GNL2: variants seen among roughly 807,000 people sequenced by gnomAD.
GNL2 encodes nucleolar GTP-binding protein 2.
GNL2 carries 51 observed loss-of-function variants against 92.3 expected under a neutral mutation model. The ratio of observed to expected loss-of-function variants is 0.55; its 90% CI spans 0.44 to 0.70. The LOEUF is 0.70. Among genes scored for constraint, GNL2 ranks in the 30% least tolerant of loss-of-function variants. The pLI, the probability that GNL2 is intolerant of heterozygous loss-of-function variation, is 0.00. For missense variants in GNL2, 844 were observed against 895.6 expected (o/e 0.94, Z 0.74); for synonymous variants, 283 against 300.6 (o/e 0.94, Z 0.61).
chr1:37,581,423 A>C (rs1454078961), intron 8 of GNL2: 2 of 455,922 alleles, frequency 4.4e-6, no homozygotes, highest in Non-Finnish European at 8.8e-6. Context: ...CAGGGATCTG[A>C]AGCTTGAATT....
At chr1:37,577,423 T>C (rs1212502928) in intron 8 of GNL2, among the ~76,000 whole-genome samples, 2 of 152,186 alleles carry the variant, frequency 1.3e-5, no homozygotes, top group Non-Finnish European at 2.9e-5. Flanking sequence ...GGACTGAACA[T>C]ACATGCTAAC....
chr1:37,587,392 A>G lies in GNL2; in HGVS notation c.488T>C (p.Leu163Pro). Reference sequence around the variant, plus strand: ...AGTGGACATTTCAGCATTTTCGATAAGAGACTGCATATCACTTGCAAATAA... The same window carrying G: ...AGTGGACATTTCAGCATTTTCGATAGGAGACTGCATATCACTTGCAAATAA... Reference protein sequence around the residue: ...PNLFASDMQSLIENAEMSTES... With the variant: ...PNLFASDMQSPIENAEMSTES... Residue 163 changes from leucine (L) to proline (P), a missense_variant, in exon 5 of 16, where the codon CTT becomes CCT. Transcript: ENST00000373062. 1 of 1,613,478 alleles carries G rather than the reference A, an allele frequency of 6.2e-7. No individual in the cohort carries two copies. Among genetic ancestry groups the G allele is most frequent in the Non-Finnish European group, 8.5e-7 (1 of 1,179,368 alleles).
chr1:37,590,289 G>A (rs1021863205), intron 4 of GNL2, among the ~76,000 whole-genome samples: 4 of 152,172 alleles, frequency 2.6e-5, no homozygotes, highest in Non-Finnish European at 5.9e-5. Flanking sequence ...TGTATTTTTA[G>A]TAGAGACAGG....
intron 4 of GNL2, among the ~76,000 whole-genome samples, chr1:37,588,602 A>G (rs1426528570): frequency 6.6e-6 from 1 of 152,194 alleles, no homozygotes; most frequent in Non-Finnish European, 1.5e-5. Context: ...TGTAAGTTAC[A>G]GTACCCAAGG....
chr1:37,591,276 G>A (rs1643885821), intron 3 of GNL2, among the ~76,000 whole-genome samples: 1 of 152,042 alleles, frequency 6.6e-6, no homozygotes, highest in Non-Finnish European at 1.5e-5. Flanking sequence ...AGGGTTATGA[G>A]GATTCAAAGG....
intron 12 of GNL2, among the ~76,000 whole-genome samples, chr1:37,572,602 A>T (rs1049496185): frequency 6.6e-6 from 1 of 152,176 alleles, no homozygotes; most frequent in Non-Finnish European, 1.5e-5. Flanking sequence ...CAATGTGTGG[A>T]GAGGGCATGG....
rs1643667797 is a variant in GNL2 at position 37,575,700 on chromosome 1, C to A, written c.1039-1G>T. 1 of 1,584,384 alleles carries A rather than the reference C, an allele frequency of 6.3e-7. No individual in the cohort carries two copies. The highest frequency in any genetic ancestry group is 1.4e-5 in the African/African-American group (1 of 73,150). On this transcript the variant is annotated splice_acceptor_variant, in intron 9 of 15. Coordinates refer to ENST00000373062, the MANE Select transcript of GNL2 (RefSeq NM_013285.3). LOFTEE classifies it high-confidence loss of function. This position sits in a 1 kb window ranked among gnomAD's most constrained non-coding sequence, Gnocchi z 4.1. ...GCATCAAAGTAATATACTGCCAGAC[C>A]TGAAGTCAGAAAAAAGTCAGAGATG...
At chr1:37,568,813 A>G (rs201694707) in intron 13 of GNL2, 38 bp downstream of exon 13, 1 of 1,519,240 alleles carries the variant, frequency 6.6e-7, no homozygotes, top group African/African-American at 1.4e-5. Context: ...TGGGAAAGGA[A>G]TGAAAATCTG....
At chr1:37,568,396 C>T (rs553019517) in intron 13 of GNL2, 39 bp from the exon 14 acceptor site, 88 of 1,324,700 alleles carry the variant, frequency 6.6e-5, no homozygotes, top group Admixed American at 5.1e-5. Context: ...TCCTCTCACT[C>T]GCCCGAATCA....
chr1:37,574,962 C>T (rs370023443), intron 10 of GNL2, 139 bp from the exon 11 acceptor site: 13 of 645,066 alleles, frequency 2.0e-5, no homozygotes, highest in South Asian at 5.8e-5. Context: ...CTGTCTCTGA[C>T]GGGGCTAGAC....
At position 37,567,017 on chromosome 1, in the gene GNL2, A is replaced by G. The variant is rs1643514765; in HGVS notation, c.2044-10T>C. On this transcript the variant is annotated splice_polypyrimidine_tract_variant and intron_variant, in intron 15 of 15. Coordinates refer to ENST00000373062, the MANE Select transcript of GNL2 (RefSeq NM_013285.3). ...GTACTGCTCGCCTCCGCTGTAAAAA[A>G]TGGCAAGAAAAGATGAAGAAAAAAA... 2 of 1,603,106 alleles carry G rather than the reference A, an allele frequency of 1.2e-6. No individual in the cohort carries two copies. The highest frequency in any genetic ancestry group is 8.5e-7 in the Non-Finnish European group (1 of 1,176,516).
chr1:37,577,521 T>C (rs1643698142), intron 8 of GNL2, among the ~76,000 whole-genome samples: 1 of 152,000 alleles, frequency 6.6e-6, no homozygotes, highest in South Asian at 2.1e-4. Context: ...AACCAGAGAA[T>C]GAGATGGAGA....
chr1:37,576,594 C>CAT, intron 8 of GNL2, 38 bp from the exon 9 acceptor site: 1 of 1,595,832 alleles, frequency 6.3e-7, no homozygotes, highest in Non-Finnish European at 8.5e-7. Context: ...TACATGCAGT[C>CAT]ATATATATCC....
chr1:37,567,629 C>T (rs763308742), intron 15 of GNL2, 44 bp downstream of exon 15: 1 of 1,263,342 alleles, frequency 7.9e-7, no homozygotes, highest in Non-Finnish European at 1.2e-6. Flanking sequence ...AACTGGAGTT[C>T]TAGTTACTCT....
At chr1:37,595,216 G>T (rs1176796600) in intron 1 of GNL2, among the ~76,000 whole-genome samples, 1 of 152,212 alleles carries the variant, frequency 6.6e-6, no homozygotes, top group Admixed American at 6.5e-5. Context: ...AGGATGTCTT[G>T]TTAATCGTAC....
intron 1 of GNL2, 104 bp downstream of exon 1, chr1:37,595,655 T>C (rs1643918243): frequency 1.0e-6 from 1 of 953,224 alleles, no homozygotes; most frequent in African/African-American, 1.6e-5. Flanking sequence ...GTAGTCATTC[T>C]AAGCAATGCC....
rs1031545259 is a variant in GNL2 at position 37,584,077 on chromosome 1, C to G, written c.570-144G>C. ...AAACAAACTGAATTTAAAAAGTGTG[C>G]CCAAATGTCTGTCAACAAATAAATG... is the stretch of plus-strand genomic sequence containing the variant. On this transcript the variant is annotated intron_variant, in intron 5 of 15. Coordinates refer to ENST00000373062, the MANE Select transcript of GNL2 (RefSeq NM_013285.3). 2.0e-5 allele frequency: 13 copies of G among 639,260 alleles called. No homozygotes were observed. The African/African-American group carries it at 2.4e-4, about 12-fold the overall frequency. 39.6% of individuals were successfully genotyped at this position (639,260 alleles called of 1,614,324 possible). A position where few individuals can be genotyped will look rare whatever the true frequency, so the allele number is the denominator to read the frequency against.
intron 14 of GNL2, chr1:37,568,003 C>T: frequency 5.1e-6 from 3 of 589,894 alleles, no homozygotes; most frequent in East Asian, 2.8e-5. Context: ...GGAAACACAC[C>T]CCCCTCTTTG....
chr1:37,568,172 A>C (rs1392291275), intron 14 of GNL2, 103 bp downstream of exon 14: 6 of 708,582 alleles, frequency 8.5e-6, no homozygotes, highest in Admixed American at 7.5e-5. Flanking sequence ...GATATGACAA[A>C]CATTTATGTG....
Sources: allele counts gnomAD v4.1 joint callset (sites outside exome capture counted in the v4.1 genomes callset), GRCh38; gene constraint gnomAD v4.1.1; non-coding constraint Gnocchi (gnomAD v3.1); transcripts MANE v1.5; gene names NCBI Gene and HGNC (gene_info 2026-07-23, HGNC 2026-07-21).